The following THRB variants were observed in gnomAD, a reference collection of about 807,000 sequenced individuals.
The protein encoded by THRB is thyroid hormone receptor beta, also known as nuclear receptor subfamily 1 group A member 2.
A neutral mutation model predicts 47.8 loss-of-function variants in THRB; 12 were observed. The ratio of observed to expected loss-of-function variants is 0.25; its 90% confidence interval spans 0.16 to 0.41. The LOEUF is 0.41. Among genes scored for constraint, THRB ranks in the 10% least tolerant of loss-of-function variants. The pLI is 1.00. For missense variants in THRB, 348 were observed against 589.2 expected (o/e 0.59, Z 4.24); for synonymous variants, 218 against 212.2 (o/e 1.03, Z -0.24).
At chr3:24,123,689 C>T (rs995559389) in intron 10 of THRB, among the ~76,000 whole-genome samples, 1 of 152,086 alleles carries the variant, frequency 6.6e-6, no homozygotes, top group African/African-American at 2.4e-5. Flanking sequence ...TCCCTTATGC[C>T]TTTAGTAAAA....
intron 1 of THRB, among the ~76,000 whole-genome samples, chr3:24,363,073 T>G (rs1037137519): frequency 6.6e-6 from 1 of 152,146 alleles, no homozygotes; most frequent in African/African-American, 2.4e-5. Flanking sequence ...TTTAGAGCAG[T>G]TGATACCATT....
At chr3:24,447,019 A>G (rs1252082386) in intron 1 of THRB, among the ~76,000 whole-genome samples, 1 of 152,186 alleles carries the variant, frequency 6.6e-6, no homozygotes, top group East Asian at 1.9e-4. Context: ...TACCGGGGAC[A>G]CAGTTATGCA....
At chr3:24,144,831 C>T (rs1443004260) in intron 7 of THRB, 2 of 151,864 alleles carry the variant, frequency 1.3e-5, no homozygotes, top group African/African-American at 4.8e-5. Context: ...AAGGCAAGAC[C>T]CAGGACTCCT....
chr3:24,225,527 A>C (rs917962722), intron 4 of THRB, among the ~76,000 whole-genome samples: 1 of 152,184 alleles, frequency 6.6e-6, no homozygotes, highest in African/African-American at 2.4e-5. Flanking sequence ...CCATATCCTA[A>C]TATCATACAG....
intron 4 of THRB, among the ~76,000 whole-genome samples, chr3:24,209,356 G>A (rs1436626179): frequency 6.6e-6 from 1 of 152,164 alleles, no homozygotes; most frequent in Non-Finnish European, 1.5e-5. Flanking sequence ...AAATCATGCT[G>A]CTATAAAGAC....
intron 3 of THRB, among the ~76,000 whole-genome samples, chr3:24,280,176 T>C (rs1045596013): frequency 2.6e-5 from 4 of 152,170 alleles, no homozygotes; most frequent in Non-Finnish European, 5.9e-5. Context: ...AGATGGGTGA[T>C]TTCTGCATTT....
chr3:24,252,917 T>C (rs925696458), intron 3 of THRB, among the ~76,000 whole-genome samples: 1 of 152,090 alleles, frequency 6.6e-6, no homozygotes, highest in African/African-American at 2.4e-5. Flanking sequence ...CAACACTGCC[T>C]ATGAGGAGGG....
intron 4 of THRB, among the ~76,000 whole-genome samples, chr3:24,202,247 G>A (rs1240862650): frequency 1.3e-5 from 2 of 152,192 alleles, no homozygotes; most frequent in Non-Finnish European, 2.9e-5. Flanking sequence ...GATGAGTCTT[G>A]TGATTCTTCA....
rs115332300 is a variant in THRB at position 24,407,132 on chromosome 3, C to A, written c.-260-69761G>T. Among the ~76,000 whole-genome samples, 331 of 151,938 alleles carry A rather than the reference C, an allele frequency of 2.2e-3. 1 individual carries two copies. Among genetic ancestry groups the A allele is most frequent in the African/African-American group, 7.0e-3 (291 of 41,500 alleles). On this transcript the variant is annotated intron_variant, in intron 1 of 10. Transcript: ENST00000646209. ...CTGTCCACAAGAAGAAAACACAGAG[C>A]TCAAGAGCTAGAAGCATCCAGTTAT...
At chr3:24,270,316 G>A (rs985832603) in intron 3 of THRB, among the ~76,000 whole-genome samples, 6 of 152,106 alleles carry the variant, frequency 3.9e-5, no homozygotes, top group Non-Finnish European at 7.4e-5. Flanking sequence ...TGAGCTATGG[G>A]TATAGTTTGT....
At chr3:24,210,309 G>A (rs944611280) in intron 4 of THRB, among the ~76,000 whole-genome samples, 3 of 152,146 alleles carry the variant, frequency 2.0e-5, no homozygotes, top group Admixed American at 2.0e-4. Flanking sequence ...ATACCTGCAT[G>A]TTCCCTTCAT....
At position 24,190,182 on chromosome 3, in the gene THRB, T is replaced by C. The variant is rs141172732; in HGVS notation, c.175A>G (p.Ile59Val). Residue 59 changes from isoleucine to valine, a missense_variant, in exon 5 of 11, where the codon ATC (isoleucine) becomes GTC (valine). This residue lies in a region of THRB where 148 missense variants were observed against 122.3 expected (regional missense o/e 1.21). Transcript: ENST00000646209. ...ATTGAGCTAGTCCAAGTGGTCTGGA[T>C]GAGATGTGGCGACGACTGTTCATTT... The part of the protein sequence containing the change: ...LKNEQSSPHL[I>V]QTTWTSSIFH... 403 of 1,609,754 alleles carry C rather than the reference T, an allele frequency of 2.5e-4. 7 individuals carry two copies. In the South Asian group the frequency reaches 3.9e-3, roughly 16 times the overall value.
At chr3:24,300,255 C>T (rs186192065) in intron 2 of THRB, among the ~76,000 whole-genome samples, 117 of 152,216 alleles carry the variant, frequency 7.7e-4, no homozygotes, top group Non-Finnish European at 1.2e-4. Flanking sequence ...CCAGGTGTTG[C>T]GACTCAAAAG....
chr3:24,224,915 T>C (rs2047504946), intron 4 of THRB, among the ~76,000 whole-genome samples: 1 of 152,256 alleles, frequency 6.6e-6, no homozygotes, highest in Non-Finnish European at 1.5e-5. Context: ...CTAGCTTTGA[T>C]ATTCAACATT....
At chr3:24,335,287 A>G (rs2062175815) in intron 2 of THRB, among the ~76,000 whole-genome samples, 1 of 152,158 alleles carries the variant, frequency 6.6e-6, no homozygotes, top group African/African-American at 2.4e-5. Flanking sequence ...GCCACGTTAC[A>G]GGTTTCATTG....
intron 1 of THRB, among the ~76,000 whole-genome samples, chr3:24,392,038 C>A (rs540842887): frequency 5.4e-4 from 82 of 152,112 alleles, no homozygotes; most frequent in Admixed American, 1.8e-3. Flanking sequence ...TGGTGGCGAC[C>A]CCGCTGAGAA....
intron 1 of THRB, among the ~76,000 whole-genome samples, chr3:24,377,279 T>G (rs1221767853): frequency 6.6e-6 from 1 of 152,076 alleles, no homozygotes. Flanking sequence ...TTCCATTTGG[T>G]TCAGCCAGGG....
intron 1 of THRB, among the ~76,000 whole-genome samples, chr3:24,409,512 G>A (rs2068104425): frequency 6.6e-6 from 1 of 151,580 alleles, no homozygotes; most frequent in African/African-American, 2.4e-5. Flanking sequence ...TATTATCCTG[G>A]GCCTCTGACT....
intron 3 of THRB, among the ~76,000 whole-genome samples, chr3:24,270,959 C>T (rs1177401134): frequency 6.6e-6 from 1 of 152,078 alleles, no homozygotes; most frequent in Admixed American, 6.6e-5. Context: ...GTGAAAGGCT[C>T]CCCCCCTTTC....
Sources: allele counts gnomAD v4.1 joint callset (sites outside exome capture counted in the v4.1 genomes callset), GRCh38; gene constraint gnomAD v4.1.1; regional missense constraint gnomAD v4.1.1; transcripts MANE v1.5; gene names NCBI Gene and HGNC (gene_info 2026-07-23, HGNC 2026-07-21).